Variants in CDH20 observed in about 807,000 individuals in gnomAD.
CDH20 encodes the protein cadherin 20.
CDH20 carries 29 observed loss-of-function variants against 74.2 expected under a neutral mutation model. That is an observed-to-expected ratio of 0.39 (90% confidence interval 0.29 to 0.53). CDH20 has a LOEUF of 0.53. CDH20 is among the 20% of genes least tolerant of loss of function. CDH20 has a pLI of 0.69. For missense variants in CDH20, 988 were observed against 1,048.3 expected (o/e 0.94, Z 0.79); for synonymous variants, 469 against 405.4 (o/e 1.16, Z -1.88).
intron 1 of CDH20, among the ~76,000 whole-genome samples, chr18:61,386,764 A>G (rs1193940607): frequency 6.6e-6 from 1 of 152,210 alleles, no homozygotes; most frequent in Admixed American, 6.5e-5. Flanking sequence ...TTACTTACTT[A>G]AAAGTGATCT....
chr18:61,451,129 C>CT (rs941667455), intron 1 of CDH20, among the ~76,000 whole-genome samples: 47 of 146,518 alleles, frequency 3.2e-4, no homozygotes, highest in African/African-American at 6.2e-4. Context: ...TTATTTATAA[C>CT]TTTTTTTTTT....
chr18:61,341,325 G>A (rs1178490391), intron 1 of CDH20, among the ~76,000 whole-genome samples: 6 of 152,130 alleles, frequency 3.9e-5, no homozygotes, highest in African/African-American at 1.2e-4. Context: ...ATGACAGAAA[G>A]AGGACAAGAG....
intron 7 of CDH20, among the ~76,000 whole-genome samples, chr18:61,528,462 C>T (rs1348859620): frequency 3.3e-5 from 5 of 151,628 alleles, no homozygotes; most frequent in African/African-American, 9.7e-5. Context: ...CACACACACA[C>T]ACACACACAC....
chr18:61,383,273 T>C lies in CDH20; in HGVS notation c.-153+49446T>C, dbSNP rs139124898. On this transcript the variant is annotated intron_variant, in intron 1 of 11. Transcript: ENST00000262717. ...GAGAAGTGGCAATACCTTTGGGAAT[T>C]AGTTCAATAAAAAATGTTACATTCT... Among the ~76,000 whole-genome samples the C allele has an allele frequency of 5.0e-3, 766 of 152,266 alleles. 8 individuals are homozygous for C. The highest frequency in any genetic ancestry group is 0.022 in the South Asian group (105 of 4,818).
At chr18:61,416,920 A>G (rs949347015) in intron 1 of CDH20, among the ~76,000 whole-genome samples, 3 of 152,246 alleles carry the variant, frequency 2.0e-5, no homozygotes, top group Non-Finnish European at 1.5e-5. Context: ...ATAGATATAT[A>G]CCGTTTATAA....
At chr18:61,499,065 A>T in intron 2 of CDH20, 121 bp from the exon 3 acceptor site, 1 of 742,918 alleles carries the variant, frequency 1.3e-6, no homozygotes, top group Non-Finnish European at 2.1e-6. Context: ...CAAACTTATT[A>T]AACATTTGAA....
At chr18:61,404,609 G>A (rs1009907524) in intron 1 of CDH20, among the ~76,000 whole-genome samples, 12 of 151,868 alleles carry the variant, frequency 7.9e-5, no homozygotes, top group Middle Eastern at 3.4e-3. Flanking sequence ...AATAATCCAC[G>A]GGTAAAATAA....
At chr18:61,383,506 G>A (rs1911502936) in intron 1 of CDH20, among the ~76,000 whole-genome samples, 1 of 152,096 alleles carries the variant, frequency 6.6e-6, no homozygotes, top group Non-Finnish European at 1.5e-5. Flanking sequence ...GCTTGAACCC[G>A]GGAGGCGGAG....
chr18:61,527,167 G>A (rs144598444), intron 6 of CDH20, among the ~76,000 whole-genome samples: 3,652 of 152,254 alleles, frequency 0.024, 52 homozygotes, highest in Middle Eastern at 0.051. Context: ...GTGACAGAGC[G>A]AGACTCCATC....
At chr18:61,372,116 C>T (rs1437280196) in intron 1 of CDH20, among the ~76,000 whole-genome samples, 1 of 152,018 alleles carries the variant, frequency 6.6e-6, no homozygotes, top group Non-Finnish European at 1.5e-5. Flanking sequence ...GTAAATAGTG[C>T]ACACTAAATA....
At chr18:61,487,002 A>G (rs1910790076) in intron 1 of CDH20, among the ~76,000 whole-genome samples, 1 of 152,174 alleles carries the variant, frequency 6.6e-6, no homozygotes, top group South Asian at 2.1e-4. Flanking sequence ...AACAAACTAA[A>G]CAATTCACTG....
chr18:61,491,460 ATAAC>A (rs1388238304), intron 2 of CDH20, among the ~76,000 whole-genome samples: 1 of 152,214 alleles, frequency 6.6e-6, no homozygotes, highest in Non-Finnish European at 1.5e-5. Context: ...TAATTAGAAA[ATAAC>A]TAATTCATTC....
intron 1 of CDH20, among the ~76,000 whole-genome samples, chr18:61,350,885 C>A (rs917572148): frequency 6.6e-6 from 1 of 152,084 alleles, no homozygotes; most frequent in African/African-American, 2.4e-5. Flanking sequence ...AATAAAGATG[C>A]CTTTCATTGG....
At chr18:61,377,934 A>G (rs866662856) in intron 1 of CDH20, among the ~76,000 whole-genome samples, 39 of 152,220 alleles carry the variant, frequency 2.6e-4, no homozygotes, top group African/African-American at 8.9e-4. Context: ...TTGAAATGTC[A>G]GGACTTTAAG....
At chr18:61,528,452 C>CAT (rs758783456) in intron 7 of CDH20, among the ~76,000 whole-genome samples, 10,100 of 147,564 alleles carry the variant, frequency 0.068, 381 homozygotes, top group Middle Eastern at 0.087. Context: ...TTGAGACACA[C>CAT]ACACACACAC....
chr18:61,539,693 T>C (rs1483615434), intron 9 of CDH20, among the ~76,000 whole-genome samples: 1 of 152,170 alleles, frequency 6.6e-6, no homozygotes, highest in Non-Finnish European at 1.5e-5. Flanking sequence ...TATCTTGCAG[T>C]AGGACAAGTT....
intron 1 of CDH20, among the ~76,000 whole-genome samples, chr18:61,442,177 C>T (rs149569208): frequency 1.3e-5 from 2 of 152,084 alleles, no homozygotes; most frequent in Admixed American, 1.3e-4. Flanking sequence ...TGGCAAGACT[C>T]TCTCCCTACG....
intron 5 of CDH20, 44 bp from the exon 6 acceptor site, chr18:61,507,329 A>G: frequency 1.3e-6 from 2 of 1,565,148 alleles, no homozygotes; most frequent in Non-Finnish European, 1.7e-6. Context: ...CATTTTTTAT[A>G]GTGACGGATT....
intron 1 of CDH20, among the ~76,000 whole-genome samples, chr18:61,477,479 G>T (rs1199837223): frequency 6.6e-6 from 1 of 152,140 alleles, no homozygotes. Flanking sequence ...GCAATTAAAA[G>T]GTGTGTGGCA....
Sources: gnomAD v4.1 joint callset for allele counts (sites outside exome capture counted in the v4.1 genomes callset) on GRCh38, gnomAD v4.1.1 for gene constraint, MANE v1.5 for transcripts, NCBI Gene and HGNC (gene_info 2026-07-23, HGNC 2026-07-21) for gene names.